Variants in ARMH3 observed in about 807,000 individuals in gnomAD.
The protein encoded by ARMH3 is armadillo like helical domain containing 3.
ARMH3 carries 60 observed loss-of-function variants against 99.1 expected under a neutral mutation model. That is an observed-to-expected ratio of 0.61 (90% CI 0.49 to 0.75). The LOEUF is 0.75. Ranked by LOEUF, ARMH3 falls within the 30% of genes least tolerant of loss-of-function variation. ARMH3 has a pLI of 0.00. For synonymous variants in ARMH3, 285 were observed against 292.8 expected (o/e 0.97, Z 0.27); for missense variants, 679 against 843.1 (o/e 0.81, Z 2.41).
intron 24 of ARMH3, among the ~76,000 whole-genome samples, chr10:101,857,263 G>A (rs993406628): frequency 3.9e-5 from 6 of 152,158 alleles, no homozygotes; most frequent in Non-Finnish European, 7.3e-5. Flanking sequence ...TTCAAAACCA[G>A]TCTGGCCAAC....
chr10:102,029,680 G>A lies in ARMH3; in HGVS notation c.372C>T (p.Ile124=), dbSNP rs779799990. 6.2e-7 allele frequency: 1 copy of A among 1,614,178 alleles called. No individual in the cohort carries two copies. The highest frequency in any genetic ancestry group is 2.2e-5 in the East Asian group (1 of 44,886). Residue 124 remains isoleucine (I), a synonymous_variant, in exon 5 of 26, where the codon ATC becomes ATT. Transcript: ENST00000370033. ...KNKSTSGFDI[I]NMLMGFDKAE... The stretch of plus-strand genomic sequence containing the variant: ...CCTTGTCAAAGCCCATCAGCATGTT[G>A]ATAATGTCAAACCCAGAGGTAGACT...
At chr10:102,054,630 G>A (rs1215369615) in intron 1 of ARMH3, among the ~76,000 whole-genome samples, 1 of 152,094 alleles carries the variant, frequency 6.6e-6, no homozygotes, top group African/African-American at 2.4e-5. Flanking sequence ...TTACGGGCAG[G>A]GACACAAATC....
chr10:101,929,575 AGGAG>A (rs2135658986), intron 23 of ARMH3, among the ~76,000 whole-genome samples: 1 of 152,364 alleles, frequency 6.6e-6, no homozygotes, highest in South Asian at 2.1e-4. Context: ...ACAGTTGCAT[AGGAG>A]TAACATTTCT....
intron 24 of ARMH3, among the ~76,000 whole-genome samples, chr10:101,861,191 A>G (rs533799898): frequency 1.3e-5 from 2 of 152,318 alleles, no homozygotes; most frequent in East Asian, 3.9e-4. Context: ...AGAATAGTAA[A>G]ATCAGCTAGA....
chr10:101,873,918 G>T (rs779859782), intron 24 of ARMH3, among the ~76,000 whole-genome samples: 1 of 151,828 alleles, frequency 6.6e-6, no homozygotes, highest in Non-Finnish European at 1.5e-5. Flanking sequence ...CTACTTTTTG[G>T]TCATCCTAAA....
chr10:102,009,519 A>G lies in ARMH3; in HGVS notation c.879-70T>C, dbSNP rs574825893. The G allele has an allele frequency of 6.3e-6, 8 of 1,265,470 alleles. No homozygotes were observed. In the Admixed American group the frequency reaches 7.2e-5, roughly 11 times the overall value. The allele number at this position is 1,265,470 out of a possible 1,614,324, so 78.4% of individuals were successfully genotyped here. A position where few individuals can be genotyped will look rare whatever the true frequency, so the allele number is the denominator to read the frequency against. ...GAGTTAAAACAGTATAACCATGAAGATAAGATTGGATTGCACCCCAGCGCC... is the reference window on the plus strand; with the variant it reads ...GAGTTAAAACAGTATAACCATGAAGGTAAGATTGGATTGCACCCCAGCGCC... On this transcript the variant is annotated intron_variant, in intron 12 of 25. Transcript: ENST00000370033.
chr10:101,859,619 C>T (rs946733406), intron 24 of ARMH3, among the ~76,000 whole-genome samples: 1 of 152,192 alleles, frequency 6.6e-6, no homozygotes, highest in Non-Finnish European at 1.5e-5. Context: ...TTCAATGTAG[C>T]GATGGATTCC....
At chr10:101,912,862 T>C (rs1331465697) in intron 23 of ARMH3, 1 of 152,204 alleles carries the variant, frequency 6.6e-6, no homozygotes, top group Non-Finnish European at 1.5e-5. Flanking sequence ...CTGAGAATTT[T>C]TATCAGAAAT....
intron 15 of ARMH3, among the ~76,000 whole-genome samples, chr10:102,001,400 G>GCAAAAT (rs1211831102): frequency 6.6e-6 from 1 of 152,040 alleles, no homozygotes; most frequent in Non-Finnish European, 1.5e-5. Context: ...AAAGGCCATG[G>GCAAAAT]CAAAATCACA....
At chr10:101,895,310 C>T (rs974853847) in intron 23 of ARMH3, among the ~76,000 whole-genome samples, 1 of 147,304 alleles carries the variant, frequency 6.8e-6, no homozygotes, top group African/African-American at 2.5e-5. Flanking sequence ...GAGGGCGTCT[C>T]GCTCTGTCGC....
intron 2 of ARMH3, among the ~76,000 whole-genome samples, chr10:102,034,497 G>A (rs1403888611): frequency 3.3e-5 from 5 of 151,854 alleles, no homozygotes; most frequent in East Asian, 1.9e-4. Context: ...TTAGCCGGGC[G>A]TGGTGGTGGG....
intron 23 of ARMH3, among the ~76,000 whole-genome samples, chr10:101,924,393 G>C (rs986331874): frequency 1.4e-5 from 2 of 138,888 alleles, no homozygotes; most frequent in Non-Finnish European, 3.1e-5. Flanking sequence ...ACAGAGTCTT[G>C]CTCTGTCGCC....
intron 8 of ARMH3, among the ~76,000 whole-genome samples, chr10:102,020,380 A>G (rs1370661318): frequency 6.6e-6 from 1 of 151,952 alleles, no homozygotes; most frequent in African/African-American, 2.4e-5. Flanking sequence ...AAAAATACAA[A>G]AATTAGCCGA....
chr10:102,048,892 A>G (rs2067622456), intron 1 of ARMH3, among the ~76,000 whole-genome samples: 2 of 152,192 alleles, frequency 1.3e-5, no homozygotes, highest in Admixed American at 1.3e-4. Context: ...AGGACCTAAC[A>G]TACTACCTGG....
At chr10:101,851,442 C>A (rs993158467) in intron 24 of ARMH3, among the ~76,000 whole-genome samples, 4 of 152,096 alleles carry the variant, frequency 2.6e-5, no homozygotes, top group African/African-American at 7.2e-5. Flanking sequence ...TCATGGAGAG[C>A]TCCCTGCTCA....
intron 12 of ARMH3, 57 bp from the exon 13 acceptor site, chr10:102,009,506 T>C: frequency 7.2e-7 from 1 of 1,390,740 alleles, no homozygotes; most frequent in East Asian, 2.3e-5. Context: ...GTTAAAACAG[T>C]ATAACCATGA....
At chr10:102,032,123 A>G (rs1473058722) in intron 4 of ARMH3, among the ~76,000 whole-genome samples, 5 of 152,222 alleles carry the variant, frequency 3.3e-5, no homozygotes, top group African/African-American at 1.2e-4. Context: ...ACTAAATTTT[A>G]GAAACTTTGT....
chr10:101,925,683 C>A (rs978917996), intron 23 of ARMH3, among the ~76,000 whole-genome samples: 1 of 152,072 alleles, frequency 6.6e-6, no homozygotes, highest in African/African-American at 2.4e-5. Flanking sequence ...TCAAGGCGGG[C>A]AGATCACCTG....
intron 24 of ARMH3, among the ~76,000 whole-genome samples, chr10:101,851,175 C>A (rs970653317): frequency 2.0e-5 from 3 of 152,100 alleles, no homozygotes; most frequent in Non-Finnish European, 2.9e-5. Flanking sequence ...ATTTTCTATG[C>A]GGGGAGGATT....
Sources: gnomAD v4.1 joint callset for allele counts (sites outside exome capture counted in the v4.1 genomes callset) on GRCh38, gnomAD v4.1.1 for gene constraint, MANE v1.5 for transcripts, NCBI Gene and HGNC (gene_info 2026-07-23, HGNC 2026-07-21) for gene names.